Variants in NUP210 observed in about 807,000 individuals in gnomAD.
NUP210 encodes nucleoporin 210.
In NUP210, 151 loss-of-function variants were observed where a neutral mutation model predicts 196.0. The ratio of observed to expected loss-of-function variants is 0.77; its 90% CI spans 0.67 to 0.88. NUP210 has a LOEUF of 0.88. Ranked by LOEUF, NUP210 falls within the 40% of genes least tolerant of loss-of-function variation. The probability of loss-of-function intolerance (pLI) is 0.00; values close to 1 mark genes in which losing one functional copy is unlikely to be tolerated. For synonymous variants in NUP210, 1,070 were observed against 1,052.7 expected, an observed-to-expected ratio of 1.02 and a Z score of -0.32; for missense variants, 2,314 against 2,493.7, an observed-to-expected ratio of 0.93 and a Z score of 1.53.
chr3:13,337,295 T>TG (rs1697255136), intron 26 of NUP210, among the ~76,000 whole-genome samples: 1 of 152,100 alleles, frequency 6.6e-6, no homozygotes, highest in Admixed American at 6.5e-5. Flanking sequence ...AGGGCACGTG[T>TG]GGGTGGGGTC....
intron 14 of NUP210, among the ~76,000 whole-genome samples, chr3:13,365,611 C>CCCCTGTTCTGA (rs1698504237): frequency 6.6e-6 from 1 of 152,220 alleles, no homozygotes; most frequent in Admixed American, 6.5e-5. Flanking sequence ...CAGAAGCACT[C>CCCCTGTTCTGA]CCCTGTTCTG....
intron 36 of NUP210, among the ~76,000 whole-genome samples, chr3:13,321,171 C>T (rs1696513365): frequency 6.6e-6 from 1 of 152,256 alleles, no homozygotes; most frequent in African/African-American, 2.4e-5. Flanking sequence ...ACCAATCCCA[C>T]CCCGTGACTT....
chr3:13,408,502 T>C (rs766425696), intron 1 of NUP210, among the ~76,000 whole-genome samples: 2 of 152,070 alleles, frequency 1.3e-5, no homozygotes, highest in Non-Finnish European at 2.9e-5. Context: ...TATGAAAAGG[T>C]TTTTAGGCCA....
At position 13,323,355 on chromosome 3, in the gene NUP210, G is replaced by A. The variant is rs768150151; in HGVS notation, c.4722C>T (p.Ala1574=). ...PIQTSFQEAT[A]SKVIVAVGDR... Reference sequence around the variant, plus strand: ...CTCCCACGGCAACAATCACTTTGGAGGCTGTAGCCTCCTGGAAGCTGGTCT... The same window carrying A: ...CTCCCACGGCAACAATCACTTTGGAAGCTGTAGCCTCCTGGAAGCTGGTCT... Residue 1574 remains alanine, a synonymous_variant, in exon 34 of 40, where the codon GCC becomes GCT. Transcript: ENST00000254508. The surrounding 1 kb of genome is among the most constrained non-coding windows in gnomAD (Gnocchi z 4.3). The A allele has an allele frequency of 6.2e-7, 1 of 1,614,116 alleles. No individual in the cohort carries two copies. The highest frequency in any genetic ancestry group is 2.2e-5 in the East Asian group (1 of 44,876).
In NUP210 at chr3:13,340,066, C is replaced by T. The variant is rs757813317; in HGVS notation, c.3292-33G>A. ...GGGAGGAAACAGCGGCGTGTCAGTG[C>T]CCGTCATGCCAGGCAGCCCGCACCT... is the stretch of plus-strand genomic sequence containing the variant. On this transcript the variant is annotated intron_variant, in intron 24 of 39. Transcript: ENST00000254508. The surrounding 1 kb of genome is among the most constrained non-coding windows in gnomAD (Gnocchi z 4.0). 1.1e-5 allele frequency: 17 copies of T among 1,607,488 alleles called. No individual in the cohort carries two copies. Among genetic ancestry groups the T allele is most frequent in the Non-Finnish European group, 1.4e-5 (16 of 1,175,506 alleles).
chr3:13,418,743 G>A (rs1415073876), intron 1 of NUP210, among the ~76,000 whole-genome samples: 5 of 151,734 alleles, frequency 3.3e-5, no homozygotes, highest in Admixed American at 6.6e-5. Context: ...GACAGAGATC[G>A]CGCCATTGCA....
chr3:13,335,072 C>A (rs573306137), intron 28 of NUP210, among the ~76,000 whole-genome samples: 4 of 152,328 alleles, frequency 2.6e-5, no homozygotes, highest in South Asian at 4.1e-4. Context: ...GCGCCCCAGC[C>A]TCTGTTGGGT....
chr3:13,319,840 G>A lies in NUP210; in HGVS notation c.5306C>T (p.Ser1769Phe). Reference sequence around the variant, plus strand: ...AATGGCTTGGTTGGTCACGGGGCTGGAGAAGGTCAGGGTAGTGGACAGAGG... The same window carrying A: ...AATGGCTTGGTTGGTCACGGGGCTGAAGAAGGTCAGGGTAGTGGACAGAGG... ...QGPLSTTLTF[S>F]SPVTNQAIAI... is the part of the protein sequence containing the mutation. The change falls in exon 37 of 40, where the codon TCC becomes TTC. Residue 1769 changes from serine (S) to phenylalanine (F), a missense_variant. Transcript: ENST00000254508. 6.2e-7 allele frequency: 1 copy of A among 1,614,248 alleles called. No individual in the cohort carries two copies. Among genetic ancestry groups the A allele is most frequent in the Non-Finnish European group, 8.5e-7 (1 of 1,180,038 alleles).
At chr3:13,398,001 C>A (rs1049255956) in intron 2 of NUP210, among the ~76,000 whole-genome samples, 1 of 152,154 alleles carries the variant, frequency 6.6e-6, no homozygotes, top group East Asian at 1.9e-4. Flanking sequence ...AATGGCATTA[C>A]CTGGGGAACC....
At chr3:13,339,529 T>C (rs1037055353) in intron 25 of NUP210, among the ~76,000 whole-genome samples, 8 of 152,212 alleles carry the variant, frequency 5.3e-5, no homozygotes, top group Non-Finnish European at 1.5e-5. Flanking sequence ...GGCAAAGTGC[T>C]CAGAGCAGCA....
At chr3:13,408,850 A>G (rs1204161319) in intron 1 of NUP210, among the ~76,000 whole-genome samples, 1 of 152,064 alleles carries the variant, frequency 6.6e-6, no homozygotes, top group Non-Finnish European at 1.5e-5. Flanking sequence ...ACCAAGTGGA[A>G]CAGAAGGCAT....
In NUP210 at chr3:13,367,931, AGAGG is replaced by A. The variant is rs149297772; in HGVS notation, c.1787-1844_1787-1841del. Among the ~76,000 whole-genome samples, 1,193 of 152,234 alleles carry A rather than the reference AGAGG, an allele frequency of 7.8e-3. 17 individuals are homozygous for A. The highest frequency in any genetic ancestry group is 0.027 in the African/African-American group (1,140 of 41,528). On this transcript the variant is annotated intron_variant, in intron 13 of 39. Transcript: ENST00000254508. ...CATTTCTGTTGCGTGCGTCCCTAAG[AGAGG>A]AAGTGCTAGGCTGCAGGGCGTGCAT...
At chr3:13,326,843 CCACCGACT>C (rs1696776645) in intron 32 of NUP210, among the ~76,000 whole-genome samples, 1 of 152,258 alleles carries the variant, frequency 6.6e-6, no homozygotes, top group Admixed American at 6.5e-5. Context: ...GGGGACCCCC[CCACCGACT>C]TGGCAGAGCT....
At chr3:13,399,416 G>A (rs1000867180) in intron 2 of NUP210, among the ~76,000 whole-genome samples, 1 of 152,112 alleles carries the variant, frequency 6.6e-6, no homozygotes, top group African/African-American at 2.4e-5. Flanking sequence ...AGGAAAAGGA[G>A]TGATCTCACA....
At chr3:13,399,579 G>A in intron 2 of NUP210, 146 bp downstream of exon 2, 3 of 1,012,194 alleles carry the variant, frequency 3.0e-6, no homozygotes, top group Non-Finnish European at 4.4e-6. Flanking sequence ...TGCCTGCTGG[G>A]TGCCTGTCTC....
intron 1 of NUP210, among the ~76,000 whole-genome samples, chr3:13,409,521 A>G (rs1000522839): frequency 6.6e-6 from 1 of 152,108 alleles, no homozygotes; most frequent in Non-Finnish European, 1.5e-5. Context: ...TGTGTCAATC[A>G]CAGAGTGAAA....
At chr3:13,322,432 T>C in intron 34 of NUP210, 93 bp from the exon 35 acceptor site, 1 of 1,377,026 alleles carries the variant, frequency 7.3e-7, no homozygotes, top group African/African-American at 1.4e-5. Context: ...GGGCTGCAAA[T>C]GCCACCTGCC....
chr3:13,383,710 G>A (rs1256132853), intron 6 of NUP210, among the ~76,000 whole-genome samples: 1 of 151,718 alleles, frequency 6.6e-6, no homozygotes, highest in Admixed American at 6.6e-5. Context: ...TGTATTTTTA[G>A]TAGAGACAGG....
chr3:13,317,521 C>G lies in NUP210; in HGVS notation c.*160G>C. ...CATAAAATGAGCTAATGGGCAGAGC[C>G]GAAACTACAGCTCTGTGTGAAGAGA... On this transcript the variant is annotated 3_prime_UTR_variant, in exon 40 of 40. Coordinates refer to ENST00000254508, the MANE Select transcript of NUP210 (RefSeq NM_024923.4). 1 of 620,592 alleles carries G rather than the reference C, an allele frequency of 1.6e-6. No homozygotes were observed. Among genetic ancestry groups the G allele is most frequent in the Non-Finnish European group, 2.9e-6 (1 of 347,566 alleles). 38.4% of individuals were successfully genotyped at this position (620,592 alleles called of 1,614,324 possible).
Sources: gnomAD v4.1 joint callset for allele counts (sites outside exome capture counted in the v4.1 genomes callset) on GRCh38, gnomAD v4.1.1 for gene constraint, Gnocchi (gnomAD v3.1) non-coding constraint, MANE v1.5 for transcripts, NCBI Gene and HGNC (gene_info 2026-07-23, HGNC 2026-07-21) for gene names.